DNASE1: variants seen among roughly 807,000 people sequenced by gnomAD.
DNASE1 encodes deoxyribonuclease-1.
In DNASE1, 40 loss-of-function variants were observed where a neutral mutation model predicts 33.9. That is an observed-to-expected ratio of 1.18 (90% CI 0.92 to 1.54). DNASE1 has a LOEUF of 1.54. Ranked by LOEUF, DNASE1 falls within the 40% of genes most tolerant of loss-of-function variation. The pLI is 0.00. For synonymous variants in DNASE1, 216 were observed against 160.0 expected, an observed-to-expected ratio of 1.35 and a Z score of -2.64; for missense variants, 518 against 372.6, an observed-to-expected ratio of 1.39 and a Z score of -3.21.
downstream of DNASE1, chr16:3,659,033 G>C (rs2042906540): frequency 6.0e-6 from 4 of 662,698 alleles, no homozygotes; most frequent in Non-Finnish European, 1.0e-5. Context: ...TATATACCCA[G>C]AAAACCCAAG....
chr16:3,620,639 A>G (rs911258682), intron 1 of DNASE1, among the ~76,000 whole-genome samples: 3 of 152,270 alleles, frequency 2.0e-5, no homozygotes, highest in Non-Finnish European at 4.4e-5. Flanking sequence ...TGATAAAGAT[A>G]TATTTATAGT....
chr16:3,655,547 A>T, intron 2 of DNASE1, 27 bp downstream of exon 2: 1 of 1,613,606 alleles, frequency 6.2e-7, no homozygotes, highest in Non-Finnish European at 8.5e-7. Flanking sequence ...CTCCCCCCAA[A>T]AGCAGAGGAG....
downstream of DNASE1, chr16:3,658,690 C>CA (rs1555460763): frequency 2.1e-3 from 2,446 of 1,180,812 alleles, 33 homozygotes; most frequent in African/African-American, 0.033. Context: ...AACAAACAAA[C>CA]AAAAAGACAG....
rs7190521 is a variant in DNASE1, at chr16:3,655,014, G to C, written c.-32G>C. 7.1e-4 allele frequency: 346 copies of C among 490,462 alleles called. No homozygotes were observed. The highest frequency in any genetic ancestry group is 6.1e-3 in the African/African-American group (315 of 51,358). The allele number at this position is 490,462 out of a possible 1,614,324, so 30.4% of individuals were successfully genotyped here. A position where few individuals can be genotyped will look rare whatever the true frequency, so the allele number is the denominator to read the frequency against. On this transcript the variant is annotated 5_prime_UTR_variant, in exon 1 of 9. Coordinates refer to ENST00000246949, the MANE Select transcript of DNASE1 (RefSeq NM_005223.4). Reference sequence around the variant, plus strand: ...ATTCCAGATTCTTGACAGCATTCTCGTCATCTCTGAGGACATCACCATCAT... The same window carrying C: ...ATTCCAGATTCTTGACAGCATTCTCCTCATCTCTGAGGACATCACCATCAT...
intron 1 of DNASE1, among the ~76,000 whole-genome samples, chr16:3,623,892 A>G (rs2041412299): frequency 6.6e-6 from 1 of 152,216 alleles, no homozygotes; most frequent in Non-Finnish European, 1.5e-5. Flanking sequence ...GCTATTATTA[A>G]AAAGTCAAAA....
At chr16:3,612,870 T>C (rs1314196881) in intron 1 of DNASE1, among the ~76,000 whole-genome samples, 1 of 152,070 alleles carries the variant, frequency 6.6e-6, no homozygotes, top group Non-Finnish European at 1.5e-5. Context: ...GACGCAGTTG[T>C]TAACGATTTG....
chr16:3,637,852 C>T (rs2041916076), intron 1 of DNASE1, among the ~76,000 whole-genome samples: 1 of 152,120 alleles, frequency 6.6e-6, no homozygotes, highest in Non-Finnish European at 1.5e-5. Flanking sequence ...CTCCTGGGCT[C>T]CTGCTCAGGT....
exon 10 of DNASE1, chr16:3,664,062 CA>C (rs983493533): frequency 3.9e-5 from 21 of 541,852 alleles, no homozygotes; most frequent in African/African-American, 3.3e-4. Flanking sequence ...GACTCCATCT[CA>C]AAAAAACAAA....
chr16:3,643,432 C>G (rs2042078674), intron 1 of DNASE1, among the ~76,000 whole-genome samples: 1 of 152,232 alleles, frequency 6.6e-6, no homozygotes, highest in Non-Finnish European at 1.5e-5. Flanking sequence ...CATCTGGGAC[C>G]AACCCTGCCT....
intron 1 of DNASE1, among the ~76,000 whole-genome samples, chr16:3,621,141 G>C (rs2041296588): frequency 2.0e-5 from 3 of 151,886 alleles, no homozygotes. Context: ...TGTCATCCAT[G>C]CTAGAATGCA....
At chr16:3,638,162 G>A (rs537176649), upstream of DNASE1, among the ~76,000 whole-genome samples, 1 of 149,696 alleles carries the variant, frequency 6.7e-6, no homozygotes, top group African/African-American at 2.5e-5. Flanking sequence ...CTTTAAAGAT[G>A]TTACTTCTTT....
chr16:3,664,332 T>G, exon 10 of DNASE1: 2 of 1,609,860 alleles, frequency 1.2e-6, no homozygotes, highest in Non-Finnish European at 1.7e-6. Context: ...CAGGTGACGG[T>G]TGGGGGCGCA....
rs1162862327 is a variant in DNASE1, at chr16:3,655,474, G to T, written c.101G>T (p.Gly34Val). ...GCAGCCTTCAACATCCAGACATTTG[G>T]GGAGACCAAGATGTCCAATGCCACC... ...KIAAFNIQTF[G>V]ETKMSNATLV... is the part of the protein sequence containing the mutation. Residue 34 changes from glycine to valine, a missense_variant, in exon 2 of 9, where the codon GGG (glycine) becomes GTG (valine). Gly to Val is a moderately radical substitution (Grantham distance 109, BLOSUM62 -3). Transcript: ENST00000246949. 1 of 1,614,120 alleles carries T rather than the reference G, an allele frequency of 6.2e-7. No individual in the cohort carries two copies. Among genetic ancestry groups the T allele is most frequent in the Non-Finnish European group, 8.5e-7 (1 of 1,180,032 alleles).
In DNASE1 at chr16:3,655,047, G is replaced by A. The variant is rs2042504448; in HGVS notation, c.-2+3G>A. 1 of 573,920 alleles carries A rather than the reference G, an allele frequency of 1.7e-6. No homozygotes were observed. The highest frequency in any genetic ancestry group is 3.1e-6 in the Non-Finnish European group (1 of 323,604). The allele number at this position is 573,920 out of a possible 1,614,324, so 35.6% of individuals were successfully genotyped here. A position where few individuals can be genotyped will look rare whatever the true frequency, so the allele number is the denominator to read the frequency against. On this transcript the variant is annotated splice_donor_region_variant and intron_variant, in intron 1 of 8. Transcript: ENST00000246949. ...TGAGGACATCACCATCATCTCAGGT[G>A]AGCACCAGGTGGAGTGCCTCTGGGT...
At chr16:3,658,836 A>G, downstream of DNASE1, 2 of 1,614,026 alleles carry the variant, frequency 1.2e-6, no homozygotes, top group Non-Finnish European at 1.7e-6. Flanking sequence ...GCTTGCGCGC[A>G]GCTGATTCAG....
At chr16:3,631,318 C>T (rs974276878) in intron 1 of DNASE1, among the ~76,000 whole-genome samples, 48 of 151,848 alleles carry the variant, frequency 3.2e-4, no homozygotes, top group Admixed American at 2.4e-3. Flanking sequence ...AATTTTCCTG[C>T]CTCAGCCTCC....
chr16:3,663,008 C>G, downstream of DNASE1: 1 of 1,518,504 alleles, frequency 6.6e-7, no homozygotes, highest in Non-Finnish European at 8.9e-7. Flanking sequence ...GCCTGCATCC[C>G]AACTCCCCGG....
At chr16:3,623,275 AT>A (rs138657498) in intron 1 of DNASE1, among the ~76,000 whole-genome samples, 2,728 of 152,260 alleles carry the variant, frequency 0.018, 65 homozygotes, top group African/African-American at 0.06. Flanking sequence ...CGCTGGGAAA[AT>A]TGGCTAACCA....
chr16:3,663,025 T>C, downstream of DNASE1: 1 of 1,391,422 alleles, frequency 7.2e-7, no homozygotes. Context: ...CCGGCTTCCA[T>C]GGGGGCCACG....
Sources: gnomAD v4.1 joint callset for allele counts (sites outside exome capture counted in the v4.1 genomes callset) on GRCh38, gnomAD v4.1.1 for gene constraint, MANE v1.5 for transcripts, NCBI Gene and HGNC (gene_info 2026-07-23, HGNC 2026-07-21) for gene names.